Variants in OSMR observed in about 807,000 individuals in gnomAD.
The protein encoded by OSMR is oncostatin M receptor.
In OSMR, 81 loss-of-function variants were observed where a neutral mutation model predicts 99.9. The observed-to-expected ratio is 0.81, with a 90% CI of 0.68 to 0.97. The LOEUF (loss-of-function observed/expected upper bound fraction) is 0.97. OSMR is among the 50% of genes least tolerant of loss of function. The pLI is 0.00. For missense variants in OSMR, 1,099 were observed against 1,153.4 expected (o/e 0.95, Z 0.68); for synonymous variants, 406 against 410.4 (o/e 0.99, Z 0.13).
intron 3 of OSMR, among the ~76,000 whole-genome samples, chr5:38,881,217 CTG>C (rs1240304493): frequency 5.3e-5 from 8 of 151,228 alleles, no homozygotes; most frequent in Admixed American, 3.9e-4. Context: ...TAAAGGATGA[CTG>C]TGTTAATTCT....
chr5:38,856,862 G>A (rs911042303), intron 1 of OSMR, among the ~76,000 whole-genome samples: 7 of 152,096 alleles, frequency 4.6e-5, no homozygotes, highest in Admixed American at 4.6e-4. Context: ...GTCTGGTCTG[G>A]AACTCCTGGC....
intron 1 of OSMR, among the ~76,000 whole-genome samples, chr5:38,856,424 CA>C (rs1740846472): frequency 6.6e-6 from 1 of 152,164 alleles, no homozygotes; most frequent in Non-Finnish European, 1.5e-5. Flanking sequence ...GCCTGAAACA[CA>C]GGGGGTGGCC....
At chr5:38,850,373 T>C (rs1355144869) in intron 1 of OSMR, among the ~76,000 whole-genome samples, 1 of 152,354 alleles carries the variant, frequency 6.6e-6, no homozygotes. Context: ...AGAACTAAAT[T>C]ATAGTTGTTT....
intron 13 of OSMR, 138 bp downstream of exon 13, chr5:38,923,392 A>G (rs1746325586): frequency 1.5e-6 from 1 of 655,790 alleles, no homozygotes; most frequent in African/African-American, 1.8e-5. Flanking sequence ...TTGGGTTTTT[A>G]AAATTATTTT....
At chr5:38,889,378 A>G (rs1477820337) in intron 7 of OSMR, among the ~76,000 whole-genome samples, 1 of 151,946 alleles carries the variant, frequency 6.6e-6, no homozygotes, top group Non-Finnish European at 1.5e-5. Flanking sequence ...TTTATTTTAA[A>G]CAATTTTTTC....
chr5:38,854,702 T>C (rs754214128), intron 1 of OSMR, among the ~76,000 whole-genome samples: 1 of 152,184 alleles, frequency 6.6e-6, no homozygotes, highest in Non-Finnish European at 1.5e-5. Context: ...AAATACTTAC[T>C]GAGTAGCAAC....
Position 38,917,560 on chromosome 5 carries a change from C to A in OSMR, c.1300C>A (p.Pro434Thr). The A allele has an allele frequency of 6.2e-7, 1 of 1,613,598 alleles. No individual in the cohort carries two copies. The highest frequency in any genetic ancestry group is 8.5e-7 in the Non-Finnish European group (1 of 1,179,582). Residue 434 changes from proline to threonine, a missense_variant, in exon 10 of 18, where the codon CCT becomes ACT. Physicochemically the swap from Pro to Thr is conservative, Grantham distance 38. Coordinates refer to ENST00000274276, the MANE Select transcript of OSMR (RefSeq NM_003999.3). ...TTLEAAPSEA[P>T]DVWRIVSLEP... ...GTTAATTTCAGCTCCCTCAGAGGCC[C>A]CTGATGTCTGGAGAATTGTGAGCTT...
At chr5:38,872,992 G>A (rs1742512862) in intron 2 of OSMR, among the ~76,000 whole-genome samples, 2 of 152,164 alleles carry the variant, frequency 1.3e-5, no homozygotes, top group Admixed American at 1.3e-4. Flanking sequence ...GAGTAAATTA[G>A]CAATATTAGT....
rs1743629008 is a variant in OSMR at position 38,885,360 on chromosome 5, G to A, written c.715G>A (p.Glu239Lys). The A allele has an allele frequency of 2.5e-6, 4 of 1,613,782 alleles. No individual in the cohort carries two copies. Among genetic ancestry groups the A allele is most frequent in the South Asian group, 2.2e-5 (2 of 91,068 alleles). ...CTTTGTATGGACAGAAGTACTTGAG[G>A]AGCCCAAGGACTTTTCTTGTGAAAC... ...IVLFVSKVLE[E>K]PKDFSCETED... The change falls in exon 6 of 18, where the codon GAG becomes AAG. Residue 239 changes from glutamate (E) to lysine (K), a missense_variant. Physicochemically the swap from Glu to Lys is moderately conservative, Grantham distance 56. Transcript: ENST00000274276.
chr5:38,910,711 T>C (rs755796574), intron 9 of OSMR, among the ~76,000 whole-genome samples: 5 of 152,110 alleles, frequency 3.3e-5, no homozygotes, highest in Non-Finnish European at 7.4e-5. Context: ...AGCAAAGCCA[T>C]GTTAAGAGTA....
At chr5:38,925,508 T>G in intron 15 of OSMR, 137 bp downstream of exon 15, 4 of 765,114 alleles carry the variant, frequency 5.2e-6, no homozygotes, top group East Asian at 2.7e-5. Flanking sequence ...CCTCTTTCTC[T>G]TGATGAAACC....
intron 3 of OSMR, 54 bp from the exon 4 acceptor site, chr5:38,881,539 A>G (rs1307619048): frequency 6.8e-6 from 11 of 1,613,702 alleles, no homozygotes; most frequent in East Asian, 2.2e-5. Context: ...AAGTCAAGCT[A>G]TTTTATAGGA....
rs372361328 is a variant in OSMR at position 38,926,349 on chromosome 5, G to A, written c.2212+978G>A. Among the ~76,000 whole-genome samples, 482 of 152,252 alleles carry A rather than the reference G, an allele frequency of 3.2e-3. 1 individual carries two copies. Among genetic ancestry groups the A allele is most frequent in the Middle Eastern group, 0.01 (3 of 294 alleles). Reference sequence around the variant, plus strand: ...GGCTGCAGTGGCAGTGTATTAGTCCGTTCTCACACTACTATAAAGAACTGC... The same window carrying A: ...GGCTGCAGTGGCAGTGTATTAGTCCATTCTCACACTACTATAAAGAACTGC... On this transcript the variant is annotated intron_variant, in intron 15 of 17. Transcript: ENST00000274276.
intron 9 of OSMR, among the ~76,000 whole-genome samples, chr5:38,912,380 T>A (rs1425828051): frequency 6.6e-6 from 1 of 152,062 alleles, no homozygotes; most frequent in Non-Finnish European, 1.5e-5. Context: ...AGGTGAAAGA[T>A]CTCTACAAGG....
chr5:38,918,780 G>T, intron 10 of OSMR, 60 bp from the exon 11 acceptor site: 1 of 1,596,026 alleles, frequency 6.3e-7, no homozygotes. Context: ...TGAAAAAGGA[G>T]TTGTACAAAT....
At chr5:38,875,281 A>T (rs998160299) in intron 2 of OSMR, among the ~76,000 whole-genome samples, 5 of 152,234 alleles carry the variant, frequency 3.3e-5, no homozygotes, top group African/African-American at 1.2e-4. Flanking sequence ...TTTACAATCT[A>T]TATGGTGTTT....
At chr5:38,878,940 C>T (rs76034137) in intron 3 of OSMR, among the ~76,000 whole-genome samples, 3,579 of 152,286 alleles carry the variant, frequency 0.024, 67 homozygotes, top group Non-Finnish European at 0.034. Flanking sequence ...AGAGTTTTAG[C>T]CTGTGCTCCC....
intron 15 of OSMR, 182 bp from the exon 16 acceptor site, chr5:38,931,701 G>C: frequency 1.2e-6 from 1 of 854,260 alleles, no homozygotes; most frequent in South Asian, 5.4e-5. Flanking sequence ...TTCCTGTGTT[G>C]GTTGGCTAGT....
Position 38,925,253 on chromosome 5 carries a change from A to T in OSMR, c.2094A>T (p.Ala698=), listed in dbSNP as rs756885064. The T allele has an allele frequency of 3.2e-5, 52 of 1,613,916 alleles. No individual in the cohort carries two copies. Among genetic ancestry groups the T allele is most frequent in the Non-Finnish European group, 4.2e-5 (49 of 1,179,924 alleles). Residue 698 remains alanine (A), a synonymous_variant, in exon 15 of 18, where the codon GCA becomes GCT. Transcript: ENST00000274276. ...KYKIDNPEEK[A]LIVDNLKPES... is the part of the protein sequence containing the mutation. ...AAATTGACAACCCGGAAGAAAAGGCATTGATTGTGGACAACCTAAAGCCAG... is the reference window on the plus strand; with the variant it reads ...AAATTGACAACCCGGAAGAAAAGGCTTTGATTGTGGACAACCTAAAGCCAG...
Sources: gnomAD v4.1 joint callset for allele counts (sites outside exome capture counted in the v4.1 genomes callset) on GRCh38, gnomAD v4.1.1 for gene constraint, MANE v1.5 for transcripts, NCBI Gene and HGNC (gene_info 2026-07-23, HGNC 2026-07-21) for gene names.